The following SMYD3 variants were observed in gnomAD, a reference collection of about 807,000 sequenced individuals.
SMYD3 encodes the protein SET and MYND domain containing 3.
SMYD3 carries 36 observed loss-of-function variants against 57.7 expected under a neutral mutation model. The observed-to-expected ratio is 0.62, with a 90% confidence interval of 0.48 to 0.82. The LOEUF is 0.82. SMYD3 is among the 40% of genes least tolerant of loss of function. The probability of loss-of-function intolerance (pLI) is 0.00; values close to 1 mark genes in which losing one functional copy is unlikely to be tolerated. For missense variants in SMYD3, 515 were observed against 538.8 expected (o/e 0.96, Z 0.44); for synonymous variants, 211 against 195.0 (o/e 1.08, Z -0.68).
chr1:246,367,269 A>C (rs1038823064), intron 1 of SMYD3, among the ~76,000 whole-genome samples: 1 of 152,178 alleles, frequency 6.6e-6, no homozygotes, highest in African/African-American at 2.4e-5. Context: ...GCTAGACATG[A>C]GGTAAGAGAA....
At chr1:246,086,840 GC>G (rs1304536261) in intron 5 of SMYD3, among the ~76,000 whole-genome samples, 2 of 151,892 alleles carry the variant, frequency 1.3e-5, no homozygotes, top group East Asian at 1.9e-4. Context: ...TAGGTATTAA[GC>G]CCAACACACA....
chr1:246,066,018 T>A (rs1294735321), intron 5 of SMYD3, among the ~76,000 whole-genome samples: 1 of 152,202 alleles, frequency 6.6e-6, no homozygotes, highest in African/African-American at 2.4e-5. Context: ...ATTTGCCTTA[T>A]AAAATTTCTA....
intron 5 of SMYD3, among the ~76,000 whole-genome samples, chr1:245,939,947 G>A (rs1038400664): frequency 4.6e-5 from 7 of 152,168 alleles, no homozygotes; most frequent in Non-Finnish European, 1.0e-4. Flanking sequence ...AATCACTGTG[G>A]CTCCAGTCGG....
At chr1:246,048,007 C>T (rs1349779071) in intron 5 of SMYD3, among the ~76,000 whole-genome samples, 2 of 152,036 alleles carry the variant, frequency 1.3e-5, no homozygotes, top group African/African-American at 4.8e-5. Context: ...AAGTGACATC[C>T]TAGCGAAAAT....
At chr1:245,970,969 A>T (rs2058284865) in intron 5 of SMYD3, among the ~76,000 whole-genome samples, 1 of 152,224 alleles carries the variant, frequency 6.6e-6, no homozygotes, top group Admixed American at 6.5e-5. Flanking sequence ...AGGCTTATAA[A>T]TCATTCTACT....
intron 5 of SMYD3, among the ~76,000 whole-genome samples, chr1:246,270,446 C>T: frequency 6.6e-6 from 1 of 152,174 alleles, no homozygotes; most frequent in Non-Finnish European, 1.5e-5. Flanking sequence ...AGAACTGAAA[C>T]TCTAAATTCA....
At chr1:245,851,894 G>A (rs2050993934) in intron 10 of SMYD3, among the ~76,000 whole-genome samples, 1 of 152,190 alleles carries the variant, frequency 6.6e-6, no homozygotes. Context: ...GGAGGTGACG[G>A]AAAGCACAGG....
intron 5 of SMYD3, among the ~76,000 whole-genome samples, chr1:246,241,849 A>AT (rs977768972): frequency 6.6e-6 from 1 of 151,868 alleles, no homozygotes; most frequent in East Asian, 1.9e-4. Context: ...GAATTTATCC[A>AT]TTTTTTCTAG....
At chr1:246,259,071 A>G (rs1473408406) in intron 5 of SMYD3, among the ~76,000 whole-genome samples, 1 of 152,078 alleles carries the variant, frequency 6.6e-6, no homozygotes, top group Non-Finnish European at 1.5e-5. Context: ...GAACTGGTTG[A>G]TTTCTTTTTA....
rs559414523 is a variant in SMYD3 at position 246,353,444 on chromosome 1, C to T, written c.228+1587G>A. Among the ~76,000 whole-genome samples the T allele has an allele frequency of 5.3e-5, 8 of 152,160 alleles. No individual in the cohort carries two copies. In the East Asian group the frequency reaches 1.4e-3, roughly 26 times the overall value. On this transcript the variant is annotated intron_variant, in intron 2 of 11. Transcript: ENST00000490107. ...GCTCAGGAGGCAGAGGCAGGGAGAC[C>T]GCTTGAACCCAGGATTTCAAGACTG...
In SMYD3 at chr1:245,817,025, C is replaced by G. The variant is rs1264930786; in HGVS notation, c.1076+41471G>C. Among the ~76,000 whole-genome samples, 6 of 151,544 alleles carry G rather than the reference C, an allele frequency of 4.0e-5. No individual in the cohort carries two copies. In the East Asian group the frequency reaches 5.8e-4, roughly 15 times the overall value. On this transcript the variant is annotated intron_variant, in intron 10 of 11. Coordinates refer to ENST00000490107, the MANE Select transcript of SMYD3 (RefSeq NM_001167740.2). ...AGGTAAACAAAGCAGCCGGGAAGCT[C>G]GAACTGGGTGGAGCCCACCACAGCT...
chr1:245,894,413 C>G (rs549785223), intron 8 of SMYD3, among the ~76,000 whole-genome samples: 13 of 152,052 alleles, frequency 8.5e-5, no homozygotes, highest in Non-Finnish European at 1.5e-4. Context: ...AGCGGAAACC[C>G]GCTCAGGTCC....
In SMYD3 at chr1:245,915,573, T is replaced by A; in HGVS notation, c.770A>T (p.Tyr257Phe). 2 of 1,614,070 alleles carry A rather than the reference T, an allele frequency of 1.2e-6. No homozygotes were observed. The highest frequency in any genetic ancestry group is 1.7e-6 in the Non-Finnish European group (2 of 1,179,966). ...EERRKQLRDQYCFECDCFRCQ... is the reference protein window; with the variant it reads ...EERRKQLRDQFCFECDCFRCQ... Reference sequence around the variant, plus strand: ...ACGGAAACAGTCACATTCAAAGCAGTACTGGTCCCTCAGCTGCTTCCGGCG... The same window carrying A: ...ACGGAAACAGTCACATTCAAAGCAGAACTGGTCCCTCAGCTGCTTCCGGCG... The change falls in exon 8 of 12, where the codon TAC becomes TTC. Residue 257 changes from tyrosine (Y) to phenylalanine (F), a missense_variant. By Grantham distance (22) the Tyr-to-Phe change is conservative. Coordinates refer to ENST00000490107, the MANE Select transcript of SMYD3 (RefSeq NM_001167740.2).
At chr1:246,330,103 A>G (rs941819325) in intron 4 of SMYD3, among the ~76,000 whole-genome samples, 3 of 152,312 alleles carry the variant, frequency 2.0e-5, no homozygotes, top group African/African-American at 7.2e-5. Context: ...GTAACCCTAA[A>G]AGCTCTGTGG....
intron 5 of SMYD3, among the ~76,000 whole-genome samples, chr1:246,248,185 A>C (rs1205085513): frequency 6.6e-6 from 1 of 152,208 alleles, no homozygotes; most frequent in Admixed American, 6.5e-5. Context: ...AACCGTAAGA[A>C]AATAAGGTTG....
At chr1:246,179,359 T>C (rs1349514143) in intron 5 of SMYD3, among the ~76,000 whole-genome samples, 1 of 152,168 alleles carries the variant, frequency 6.6e-6, no homozygotes, top group East Asian at 1.9e-4. Context: ...TGATGAGGGG[T>C]CCTGATCTCT....
rs549045642 is a variant in SMYD3 at position 245,926,820 on chromosome 1, C to T, written c.702+1111G>A. Among the ~76,000 whole-genome samples, 46 of 152,262 alleles carry T rather than the reference C, an allele frequency of 3.0e-4. 1 individual carries two copies. The highest frequency in any genetic ancestry group is 1.0e-3 in the Admixed American group (16 of 15,300). ...AATGAATATTGCTGAAAATAGATAG[C>T]GGTTTCATCTCTTACCTGCCTTGAA... On this transcript the variant is annotated intron_variant, in intron 7 of 11. Coordinates refer to ENST00000490107, the MANE Select transcript of SMYD3 (RefSeq NM_001167740.2).
intron 1 of SMYD3, among the ~76,000 whole-genome samples, chr1:246,437,048 C>T (rs1445379676): frequency 5.3e-5 from 8 of 151,912 alleles, no homozygotes; most frequent in African/African-American, 1.2e-4. Flanking sequence ...TACAGGCACC[C>T]GCCACCACAC....
intron 5 of SMYD3, among the ~76,000 whole-genome samples, chr1:246,125,425 G>C (rs1344613235): frequency 6.6e-6 from 1 of 152,084 alleles, no homozygotes; most frequent in East Asian, 1.9e-4. Context: ...ACCATACTAT[G>C]TATGACAAGT....
Sources: gnomAD v4.1 joint callset for allele counts (sites outside exome capture counted in the v4.1 genomes callset) on GRCh38, gnomAD v4.1.1 for gene constraint, MANE v1.5 for transcripts, NCBI Gene and HGNC (gene_info 2026-07-23, HGNC 2026-07-21) for gene names.